The following FRMD3 variants were observed in gnomAD, a reference collection of about 807,000 sequenced individuals.
FRMD3 encodes the protein FERM domain-containing protein 3.
Under a neutral mutation model 70.2 loss-of-function variants are expected in FRMD3, and 33 were observed. The ratio of observed to expected loss-of-function variants is 0.47; its 90% CI spans 0.36 to 0.63. FRMD3 has a LOEUF of 0.63. Ranked by LOEUF, FRMD3 falls within the 20% of genes least tolerant of loss-of-function variation. The pLI, the probability that FRMD3 is intolerant of heterozygous loss-of-function variation, is 0.00. For missense variants in FRMD3, 632 were observed against 711.4 expected (o/e 0.89, Z 1.27); for synonymous variants, 279 against 255.9 (o/e 1.09, Z -0.86).
chr9:83,530,279 C>A (rs555702698), intron 1 of FRMD3, among the ~76,000 whole-genome samples: 4 of 152,136 alleles, frequency 2.6e-5, no homozygotes, highest in Non-Finnish European at 5.9e-5. Flanking sequence ...TATATCTATG[C>A]AATGGACTGG....
At chr9:83,364,937 A>C (rs1380482014) in intron 3 of FRMD3, among the ~76,000 whole-genome samples, 1 of 152,216 alleles carries the variant, frequency 6.6e-6, no homozygotes, top group Non-Finnish European at 1.5e-5. Flanking sequence ...ATATTCTATA[A>C]ATAATGGATT....
chr9:83,479,364 A>G (rs1320809711), intron 1 of FRMD3, among the ~76,000 whole-genome samples: 21 of 45,688 alleles, frequency 4.6e-4, no homozygotes, highest in Admixed American at 1.1e-3. Flanking sequence ...AGGAGGAGGA[A>G]GAAGAAGAGG....
At chr9:83,439,838 G>A (rs1489891099) in intron 1 of FRMD3, among the ~76,000 whole-genome samples, 1 of 152,190 alleles carries the variant, frequency 6.6e-6, no homozygotes, top group Non-Finnish European at 1.5e-5. Context: ...GCAGTAAGCA[G>A]TAAGTAAACA....
the FRMD3 span, among the ~76,000 whole-genome samples, chr9:83,574,047 C>T: frequency 2.0e-5 from 3 of 152,248 alleles, no homozygotes; most frequent in East Asian, 5.8e-4. Context: ...AACATATATA[C>T]ACCCTCTTCC....
At chr9:83,484,439 G>T (rs1828639447) in intron 1 of FRMD3, among the ~76,000 whole-genome samples, 1 of 151,986 alleles carries the variant, frequency 6.6e-6, no homozygotes, top group Non-Finnish European at 1.5e-5. Context: ...TGTGTGTGTG[G>T]CAGGGTCTCA....
intron 1 of FRMD3, among the ~76,000 whole-genome samples, chr9:83,507,531 G>A (rs907747553): frequency 4.3e-4 from 65 of 149,718 alleles, no homozygotes; most frequent in Non-Finnish European, 7.7e-4. Context: ...TTAGCCAGGT[G>A]TGGTGGCGGG....
At chr9:83,530,769 C>T (rs1013802295) in intron 1 of FRMD3, among the ~76,000 whole-genome samples, 4 of 152,136 alleles carry the variant, frequency 2.6e-5, no homozygotes, top group African/African-American at 9.7e-5. Context: ...CCAGACAACA[C>T]TTTGAGAACC....
intron 13 of FRMD3, among the ~76,000 whole-genome samples, chr9:83,290,077 G>A (rs1834361777): frequency 6.6e-6 from 1 of 152,180 alleles, no homozygotes; most frequent in Admixed American, 6.5e-5. Flanking sequence ...GGGATGACGA[G>A]TGTAGAGATA....
the FRMD3 span, among the ~76,000 whole-genome samples, chr9:83,574,953 C>T: frequency 6.6e-6 from 1 of 152,164 alleles, no homozygotes; most frequent in African/African-American, 2.4e-5. Flanking sequence ...TGGGTACTAA[C>T]AGGGAAGATG....
intron 4 of FRMD3, among the ~76,000 whole-genome samples, 175 bp downstream of exon 4, chr9:83,349,504 A>T (rs1465870486): frequency 3.3e-5 from 5 of 152,064 alleles, no homozygotes; most frequent in South Asian, 4.1e-4. Context: ...TTGTTTTTTT[A>T]AAAAATCCCA....
At chr9:83,326,026 C>T (rs187901614) in intron 6 of FRMD3, among the ~76,000 whole-genome samples, 18 of 152,220 alleles carry the variant, frequency 1.2e-4, no homozygotes, top group African/African-American at 3.9e-4. Context: ...TTCTACAAAG[C>T]CTAAAATATT....
At chr9:83,302,707 T>C (rs1834973001) in intron 10 of FRMD3, among the ~76,000 whole-genome samples, 1 of 152,042 alleles carries the variant, frequency 6.6e-6, no homozygotes, top group Non-Finnish European at 1.5e-5. Context: ...CAGAAAACCA[T>C]GTTAAACACT....
intron 6 of FRMD3, among the ~76,000 whole-genome samples, chr9:83,331,243 C>G (rs1233611295): frequency 6.6e-6 from 1 of 152,174 alleles, no homozygotes; most frequent in Non-Finnish European, 1.5e-5. Context: ...ATGATACATA[C>G]AGACAATGGA....
chr9:83,304,381 G>A (rs1057158660), intron 10 of FRMD3, among the ~76,000 whole-genome samples: 5 of 152,106 alleles, frequency 3.3e-5, no homozygotes, highest in Admixed American at 1.3e-4. Flanking sequence ...CGGACCCACC[G>A]CACAGTATCC....
intron 10 of FRMD3, among the ~76,000 whole-genome samples, chr9:83,302,373 G>A (rs943231800): frequency 6.6e-6 from 1 of 152,136 alleles, no homozygotes; most frequent in Non-Finnish European, 1.5e-5. Flanking sequence ...GACCCAAGAG[G>A]TGACATTTCA....
intron 12 of FRMD3, among the ~76,000 whole-genome samples, chr9:83,295,027 ACT>A (rs1483050571): frequency 1.3e-5 from 2 of 152,124 alleles, no homozygotes; most frequent in African/African-American, 4.8e-5. Flanking sequence ...CTATCAGATG[ACT>A]CTGCAAAAAT....
At chr9:83,309,672 A>G in intron 9 of FRMD3, 48 bp from the exon 10 acceptor site, 1 of 1,255,268 alleles carries the variant, frequency 8.0e-7, no homozygotes, top group South Asian at 1.4e-5. Flanking sequence ...AATACCATTT[A>G]CATTTTCCAT....
intron 13 of FRMD3, chr9:83,281,659 T>C (rs1833975293): frequency 6.6e-6 from 1 of 152,226 alleles, no homozygotes; most frequent in Non-Finnish European, 1.5e-5. Context: ...AGCCCTGGAA[T>C]GAGTCATTCC....
chr9:83,577,216 G>A, the FRMD3 span, among the ~76,000 whole-genome samples: 1 of 151,476 alleles, frequency 6.6e-6, no homozygotes, highest in Non-Finnish European at 1.5e-5. Flanking sequence ...TCCAGAAACT[G>A]GCAAAATTCT....
Sources: gnomAD v4.1 joint callset for allele counts (sites outside exome capture counted in the v4.1 genomes callset) on GRCh38, gnomAD v4.1.1 for gene constraint, MANE v1.5 for transcripts, NCBI Gene and HGNC (gene_info 2026-07-23, HGNC 2026-07-21) for gene names.